The following MTR variants were observed in gnomAD, a reference collection of about 807,000 sequenced individuals.
MTR encodes the protein 5-methyltetrahydrofolate-homocysteine methyltransferase.
Under a neutral mutation model 154.8 loss-of-function variants are expected in MTR, and 84 were observed. That is an observed-to-expected ratio of 0.54 (90% CI 0.45 to 0.65). MTR has a LOEUF of 0.65. MTR is among the 30% of genes least tolerant of loss of function. MTR has a pLI of 0.00. For missense variants in MTR, 1,275 were observed against 1,570.2 expected, an observed-to-expected ratio of 0.81 and a Z score of 3.18; for synonymous variants, 554 against 553.9, an observed-to-expected ratio of 1.00 and a Z score of 0.00.
At chr1:236,863,616 GA>G in intron 22 of MTR, 62 bp downstream of exon 22, 2 of 1,418,506 alleles carry the variant, frequency 1.4e-6, no homozygotes, top group South Asian at 1.2e-5. Context: ...CCTTTTAACA[GA>G]ATAATTCTTC....
intron 32 of MTR, 77 bp from the exon 33 acceptor site, chr1:236,897,481 T>C (rs1430287579): frequency 2.2e-6 from 3 of 1,345,666 alleles, no homozygotes; most frequent in Non-Finnish European, 3.2e-6. Context: ...TTAATGTTTC[T>C]TGGCAAATCT....
intron 22 of MTR, 121 bp downstream of exon 22, chr1:236,863,675 T>C (rs1307257793): frequency 1.2e-6 from 1 of 864,884 alleles, no homozygotes; most frequent in East Asian, 2.7e-5. Flanking sequence ...GAGGTTATTT[T>C]TTATTTCTTT....
At position 236,821,919 on chromosome 1, in the gene MTR, CTCT is replaced by C. The variant is rs143404137; in HGVS notation, c.765-2195_765-2193del. Among the ~76,000 whole-genome samples the C allele has an allele frequency of 6.3e-3, 954 of 152,280 alleles. 3 individuals carry two copies. The highest frequency in any genetic ancestry group is 0.021 in the African/African-American group (882 of 41,550). ...TATTCTGTTTCATTAATCTATTTGTCTCTTCTTACACCAATTCCACATTGTCTT... is the reference window on the plus strand; with the variant it reads ...TATTCTGTTTCATTAATCTATTTGTCTCTTACACCAATTCCACATTGTCTT... On this transcript the variant is annotated intron_variant, in intron 8 of 32. Transcript: ENST00000366577.
chr1:236,852,857 A>G (rs911161525), intron 17 of MTR, 91 bp from the exon 18 acceptor site: 17 of 1,469,950 alleles, frequency 1.2e-5, no homozygotes, highest in Non-Finnish European at 1.5e-5. Flanking sequence ...GGCCTAAAAT[A>G]TTTCTCTCTG....
At chr1:236,802,330 G>T (rs1660742798) in intron 1 of MTR, among the ~76,000 whole-genome samples, 1 of 152,134 alleles carries the variant, frequency 6.6e-6, no homozygotes, top group Non-Finnish European at 1.5e-5. Context: ...TTAAAAGCTG[G>T]GTCTAAGATT....
chr1:236,810,478 C>A, intron 4 of MTR, 25 bp from the exon 5 acceptor site: 1 of 1,593,562 alleles, frequency 6.3e-7, no homozygotes, highest in Non-Finnish European at 8.6e-7. Flanking sequence ...TTAGAGATCT[C>A]ACACTTGTTT....
Position 236,859,835 on chromosome 1 carries a change from T to C in MTR, c.1956T>C (p.Thr652=). The C allele has an allele frequency of 6.2e-7, 1 of 1,613,590 alleles. No homozygotes were observed. The highest frequency in any genetic ancestry group is 8.5e-7 in the Non-Finnish European group (1 of 1,179,556). The change falls in exon 19 of 33, where the codon ACT becomes ACC. Residue 652 remains threonine (T), a splice_region_variant and synonymous_variant. Transcript: ENST00000366577. ...ATEKLLRYAQ[T]QGTGGKKVIQ... Reference sequence around the variant, plus strand: ...TCTTGGTTTCAATTTCAATTCAGACTCAAGGCACAGGAGGGAAGAAAGTCA... The same window carrying C: ...TCTTGGTTTCAATTTCAATTCAGACCCAAGGCACAGGAGGGAAGAAAGTCA...
chr1:236,852,997 A>G lies in MTR; in HGVS notation c.1862A>G (p.Asp621Gly), dbSNP rs61736440. ...AATGCTGGAAACCTCCCTGTGTATG[A>G]TGATATCCATAAGGAACTTCTGCAG... Reference protein sequence around the residue: ...IVNAGNLPVYDDIHKELLQLC... With the variant: ...IVNAGNLPVYGDIHKELLQLC... The change falls in exon 18 of 33, where the codon GAT becomes GGT. Residue 621 changes from aspartate (D) to glycine (G), a missense_variant. Physicochemically the swap from Asp to Gly is moderately conservative, Grantham distance 94 (BLOSUM62 -1). Transcript: ENST00000366577. The G allele has an allele frequency of 1.3e-3, 2,025 of 1,613,906 alleles. 2 individuals carry two copies. The highest frequency in any genetic ancestry group is 1.6e-3 in the Non-Finnish European group (1,868 of 1,179,912).
chr1:236,800,272 T>C (rs1265499578), intron 1 of MTR: 14 of 985,316 alleles, frequency 1.4e-5, no homozygotes, highest in Non-Finnish European at 1.7e-5. Context: ...TCACTGTCTG[T>C]GGAAAAGATT....
intron 15 of MTR, among the ~76,000 whole-genome samples, chr1:236,849,447 G>A (rs1157161824): frequency 1.3e-5 from 2 of 152,174 alleles, no homozygotes; most frequent in African/African-American, 2.4e-5. Context: ...TTTAGAGAGG[G>A]TGATTTAAGG....
chr1:236,849,632 G>A (rs1663785349), intron 15 of MTR, among the ~76,000 whole-genome samples: 1 of 152,152 alleles, frequency 6.6e-6, no homozygotes, highest in South Asian at 2.1e-4. Context: ...GTAGAGGAGA[G>A]GGCAAATGGT....
chr1:236,816,414 C>A, intron 7 of MTR, 35 bp from the exon 8 acceptor site: 1 of 1,551,370 alleles, frequency 6.4e-7, no homozygotes, highest in Non-Finnish European at 8.9e-7. Flanking sequence ...TAACTTGAGT[C>A]TGTATTGTTG....
intron 13 of MTR, among the ~76,000 whole-genome samples, chr1:236,833,504 A>G (rs576780534): frequency 5.9e-5 from 9 of 152,276 alleles, no homozygotes; most frequent in East Asian, 3.9e-4. Context: ...TGACTTGCCT[A>G]TTGTTGTACA....
Position 236,815,596 on chromosome 1 carries a change from C to T in MTR, c.610-8C>T. 1.2e-6 allele frequency: 2 copies of T among 1,613,726 alleles called. No individual in the cohort carries two copies. Among genetic ancestry groups the T allele is most frequent in the Non-Finnish European group, 1.7e-6 (2 of 1,179,796 alleles). On this transcript the variant is annotated splice_region_variant and splice_polypyrimidine_tract_variant and intron_variant, in intron 6 of 32. Coordinates refer to ENST00000366577, the MANE Select transcript of MTR (RefSeq NM_000254.3). ...AAATAAAGACGTTCTTTCTTTTTTC[C>T]CTGACAGGCAGCCTTGTTTGCACTC...
intron 21 of MTR, 63 bp from the exon 22 acceptor site, chr1:236,863,390 TG>T: frequency 7.6e-7 from 1 of 1,311,452 alleles, no homozygotes; most frequent in Non-Finnish European, 1.1e-6. Flanking sequence ...TGCCTGGCTC[TG>T]GAGAACTAGG....
intron 8 of MTR, among the ~76,000 whole-genome samples, chr1:236,821,921 C>T (rs188164465): frequency 1.4e-3 from 208 of 150,398 alleles, no homozygotes; most frequent in African/African-American, 4.7e-3. Context: ...CTATTTGTCT[C>T]TTCTTACACC....
intron 1 of MTR, chr1:236,800,397 A>G: frequency 1.0e-6 from 1 of 985,374 alleles, no homozygotes; most frequent in African/African-American, 1.7e-5. Context: ...TCAGTCACCC[A>G]CTTAAGTTCA....
chr1:236,903,097 G>C lies in MTR; in HGVS notation c.*5453G>C, dbSNP rs1447159500. ...TGCAGTGAGCTATGATTGCACAGCT[G>C]CACTCCAGCCTGTGCTGAGACCTCA... On this transcript the variant is annotated 3_prime_UTR_variant, in exon 33 of 33. Coordinates refer to ENST00000366577, the MANE Select transcript of MTR (RefSeq NM_000254.3). 3 of 152,156 alleles carry C rather than the reference G, an allele frequency of 2.0e-5. No individual in the cohort carries two copies. The highest frequency in any genetic ancestry group is 4.4e-5 in the Non-Finnish European group (3 of 68,026). 9.4% of individuals were successfully genotyped at this position (152,156 alleles called of 1,614,324 possible).
intron 24 of MTR, among the ~76,000 whole-genome samples, chr1:236,878,046 T>G (rs1028156212): frequency 1.3e-5 from 2 of 152,260 alleles, no homozygotes; most frequent in Non-Finnish European, 2.9e-5. Context: ...CTTATTGGTT[T>G]GTACACATTC....
Sources: gnomAD v4.1 joint callset for allele counts (sites outside exome capture counted in the v4.1 genomes callset) on GRCh38, gnomAD v4.1.1 for gene constraint, MANE v1.5 for transcripts, NCBI Gene and HGNC (gene_info 2026-07-23, HGNC 2026-07-21) for gene names.